The following PTPRM variants were observed in gnomAD, a reference collection of about 807,000 sequenced individuals.
PTPRM encodes protein tyrosine phosphatase receptor type M.
A neutral mutation model predicts 186.7 loss-of-function variants in PTPRM; 47 were observed. That is an observed-to-expected ratio of 0.25 (90% CI 0.20 to 0.32). The LOEUF is 0.32. PTPRM is among the 10% of genes least tolerant of loss of function. PTPRM has a pLI of 1.00. For missense variants in PTPRM, 1,494 were observed against 1,865.0 expected (o/e 0.80, Z 3.66); for synonymous variants, 668 against 674.9 (o/e 0.99, Z 0.16).
chr18:8,298,000 C>T (rs10502368), intron 20 of PTPRM, among the ~76,000 whole-genome samples: 5,785 of 152,256 alleles, frequency 0.038, 157 homozygotes, highest in East Asian at 0.069. Context: ...TGATACTGGA[C>T]ACTGAGGACG....
At chr18:7,886,799 A>C (rs1476539750) in intron 2 of PTPRM, among the ~76,000 whole-genome samples, 1 of 152,226 alleles carries the variant, frequency 6.6e-6, no homozygotes, top group Non-Finnish European at 1.5e-5. Flanking sequence ...AGCATATGAT[A>C]ATATAGATCC....
At chr18:7,612,116 T>C (rs1441136165) in intron 1 of PTPRM, among the ~76,000 whole-genome samples, 4 of 152,190 alleles carry the variant, frequency 2.6e-5, no homozygotes, top group Non-Finnish European at 5.9e-5. Context: ...TTTTTTTGCT[T>C]TGTCTCATTT....
chr18:7,675,680 G>T (rs2039317326), intron 1 of PTPRM, among the ~76,000 whole-genome samples: 1 of 151,850 alleles, frequency 6.6e-6, no homozygotes, highest in Admixed American at 6.6e-5. Context: ...GGAGATATTC[G>T]GCATCGTAGT....
intron 11 of PTPRM, among the ~76,000 whole-genome samples, chr18:8,103,727 A>G (rs1176157155): frequency 2.0e-5 from 3 of 152,228 alleles, no homozygotes; most frequent in Non-Finnish European, 4.4e-5. Flanking sequence ...TCACTGGAGT[A>G]GCACTTTTAA....
chr18:7,646,088 G>C (rs1479058182), intron 1 of PTPRM, among the ~76,000 whole-genome samples: 4 of 152,198 alleles, frequency 2.6e-5, no homozygotes. Flanking sequence ...CCTGGAAGCA[G>C]GGATTGGAAT....
intron 7 of PTPRM, among the ~76,000 whole-genome samples, chr18:7,966,165 G>A (rs950279578): frequency 2.0e-5 from 3 of 152,150 alleles, no homozygotes; most frequent in Admixed American, 6.5e-5. Context: ...CTTTAAAAAT[G>A]AATAACGCAT....
chr18:7,778,027 T>G (rs955273823), intron 2 of PTPRM, among the ~76,000 whole-genome samples: 1 of 152,238 alleles, frequency 6.6e-6, no homozygotes, highest in Non-Finnish European at 1.5e-5. Context: ...TTAAAAGTTA[T>G]GACAGTGAGA....
chr18:7,625,250 A>G (rs991788114), intron 1 of PTPRM, among the ~76,000 whole-genome samples: 6 of 152,184 alleles, frequency 3.9e-5, no homozygotes, highest in African/African-American at 1.4e-4. Flanking sequence ...AGTTAAAACA[A>G]CCTAATAGCT....
rs535664773 is a variant in PTPRM at position 8,099,632 on chromosome 18, C to T, written c.1856+10781C>T. On this transcript the variant is annotated intron_variant, in intron 11 of 32. Transcript: ENST00000580170. ...TGCATCAAAACTGTCTTTTGCCAAA[C>T]ACAAAGATTTTGAATGGAGCAGGCT... Among the ~76,000 whole-genome samples, 9 of 152,246 alleles carry T rather than the reference C, an allele frequency of 5.9e-5. No individual in the cohort carries two copies. In the East Asian group the frequency reaches 1.7e-3, roughly 29 times the overall value.
intron 2 of PTPRM, among the ~76,000 whole-genome samples, chr18:7,827,362 C>G (rs117641860): frequency 6.6e-6 from 1 of 152,138 alleles, no homozygotes; most frequent in Non-Finnish European, 1.5e-5. Context: ...GCCTTGTAGC[C>G]CTTCTGGATT....
At chr18:7,591,717 T>G (rs1218275948) in intron 1 of PTPRM, among the ~76,000 whole-genome samples, 1 of 152,202 alleles carries the variant, frequency 6.6e-6, no homozygotes, top group African/African-American at 2.4e-5. Context: ...ATTCTGTGCT[T>G]AAAGAGAGGG....
intron 14 of PTPRM, among the ~76,000 whole-genome samples, chr18:8,172,974 T>C (rs937006320): frequency 1.3e-5 from 2 of 152,194 alleles, no homozygotes; most frequent in African/African-American, 4.8e-5. Flanking sequence ...ACATATGTTT[T>C]TCTTGTGCTT....
chr18:7,599,475 G>A (rs2037346741), intron 1 of PTPRM, among the ~76,000 whole-genome samples: 1 of 152,166 alleles, frequency 6.6e-6, no homozygotes, highest in Non-Finnish European at 1.5e-5. Context: ...CACTATCCCA[G>A]CTTTTGCTGG....
At position 8,296,254 on chromosome 18, in the gene PTPRM, C is replaced by T. The variant is rs186908650; in HGVS notation, c.2755-114C>T. ...TAATAATCCCTTGTCTCATTTCTGT[C>T]GGCATTCTTTCCTTCTTGACCCTTG... On this transcript the variant is annotated intron_variant, in intron 19 of 32. Transcript: ENST00000580170. 7.6e-5 allele frequency: 50 copies of T among 662,024 alleles called. No homozygotes were observed. In the East Asian group the frequency reaches 9.8e-4, roughly 13 times the overall value. The allele number at this position is 662,024 out of a possible 1,614,324, so 41.0% of individuals were successfully genotyped here.
chr18:7,586,925 TTTAA>T (rs1422918680), intron 1 of PTPRM, among the ~76,000 whole-genome samples: 1 of 152,214 alleles, frequency 6.6e-6, no homozygotes, highest in African/African-American at 2.4e-5. Flanking sequence ...CAAACTTTTA[TTTAA>T]TTGAGAGAAA....
At chr18:8,402,680 G>A (rs568318513) in intron 32 of PTPRM, among the ~76,000 whole-genome samples, 1 of 152,236 alleles carries the variant, frequency 6.6e-6, no homozygotes, top group East Asian at 1.9e-4. Flanking sequence ...CCAAGATGTC[G>A]GCCTGGTGAT....
chr18:7,891,189 G>A (rs2049058071), intron 3 of PTPRM, among the ~76,000 whole-genome samples: 1 of 152,036 alleles, frequency 6.6e-6, no homozygotes, highest in African/African-American at 2.4e-5. Context: ...AGGAGGCTGA[G>A]GCTGGAAGAT....
chr18:7,927,929 G>A (rs796640249), intron 5 of PTPRM, among the ~76,000 whole-genome samples: 51 of 152,012 alleles, frequency 3.4e-4, no homozygotes, highest in African/African-American at 1.2e-3. Context: ...TTTTTATAGG[G>A]ATGGATTCTC....
intron 2 of PTPRM, among the ~76,000 whole-genome samples, chr18:7,833,208 G>A (rs1234739829): frequency 1.3e-5 from 2 of 152,100 alleles, no homozygotes; most frequent in African/African-American, 4.8e-5. Flanking sequence ...TACTTGGGTA[G>A]TGTGGACATT....
Sources: gnomAD v4.1 joint callset for allele counts (sites outside exome capture counted in the v4.1 genomes callset) on GRCh38, gnomAD v4.1.1 for gene constraint, MANE v1.5 for transcripts, NCBI Gene and HGNC (gene_info 2026-07-23, HGNC 2026-07-21) for gene names.